Variants in ROBO2 observed in about 807,000 individuals in gnomAD.
The protein encoded by ROBO2 is roundabout guidance receptor 2, also known as roundabout homolog 2.
Under a neutral mutation model 160.8 loss-of-function variants are expected in ROBO2, and 53 were observed. The observed-to-expected ratio is 0.33, with a 90% CI of 0.26 to 0.41. ROBO2 has a LOEUF of 0.41. Ranked by LOEUF, ROBO2 falls within the 10% of genes least tolerant of loss-of-function variation. ROBO2 has a pLI of 1.00. For missense variants in ROBO2, 1,577 were observed against 1,722.4 expected, an observed-to-expected ratio of 0.92 and a Z score of 1.49; for synonymous variants, 664 against 611.7, an observed-to-expected ratio of 1.09 and a Z score of -1.26.
chr3:76,573,290 C>T (rs1441747389), intron 2 of ROBO2, among the ~76,000 whole-genome samples: 2 of 152,056 alleles, frequency 1.3e-5, no homozygotes, highest in African/African-American at 4.8e-5. Context: ...AGCTACATAA[C>T]AGAGTGGTTT....
At chr3:77,088,570 C>G (rs1306089708) in intron 1 of ROBO2, among the ~76,000 whole-genome samples, 1 of 152,008 alleles carries the variant, frequency 6.6e-6, no homozygotes, top group Non-Finnish European at 1.5e-5. Context: ...CCTGAGAGAC[C>G]CCAGTGTGTG....
chr3:77,057,823 C>A (rs867590072), intron 1 of ROBO2, among the ~76,000 whole-genome samples: 2 of 152,054 alleles, frequency 1.3e-5, no homozygotes, highest in Middle Eastern at 3.4e-3. Context: ...CCCACTTCGA[C>A]CTCCCAAAGT....
chr3:76,533,717 G>C (rs559355310), intron 2 of ROBO2, among the ~76,000 whole-genome samples: 1 of 152,096 alleles, frequency 6.6e-6, no homozygotes, highest in Non-Finnish European at 1.5e-5. Flanking sequence ...TATAGGGCTC[G>C]GGTAGGCAGT....
Position 76,399,712 on chromosome 3 carries a change from G to A in ROBO2, c.109+462110G>A, listed in dbSNP as rs1222345093. Among the ~76,000 whole-genome samples, 3 of 151,656 alleles carry A rather than the reference G, an allele frequency of 2.0e-5. No individual in the cohort carries two copies. The Admixed American group carries it at 2.0e-4, about 10-fold the overall frequency. ...TATGAGGCTTTGCCAAAGAATAAGG[G>A]ATAGAATACAGAGGCCGTCAGGGGA... On this transcript the variant is annotated intron_variant, in intron 2 of 26. Transcript: ENST00000487694.
At chr3:76,962,949 T>C (rs895506784) in intron 2 of ROBO2, among the ~76,000 whole-genome samples, 2 of 152,192 alleles carry the variant, frequency 1.3e-5, no homozygotes, top group Non-Finnish European at 2.9e-5. Context: ...ATGTTAAAAA[T>C]GAGTTTTTAA....
chr3:76,855,335 G>A (rs894400530), intron 2 of ROBO2, among the ~76,000 whole-genome samples: 1 of 152,136 alleles, frequency 6.6e-6, no homozygotes, highest in African/African-American at 2.4e-5. Flanking sequence ...ATATCACCTA[G>A]ACTGTTAATG....
At chr3:76,517,528 T>C (rs2081401028) in intron 2 of ROBO2, among the ~76,000 whole-genome samples, 1 of 152,178 alleles carries the variant, frequency 6.6e-6, no homozygotes, top group African/African-American at 2.4e-5. Flanking sequence ...CAGTAGAGTG[T>C]GGATTTCTAC....
At chr3:76,646,596 T>C (rs2090980241) in intron 2 of ROBO2, among the ~76,000 whole-genome samples, 1 of 152,168 alleles carries the variant, frequency 6.6e-6, no homozygotes. Flanking sequence ...GCAATTAAAG[T>C]ATTTAGCACA....
chr3:77,637,186 A>G (rs568805986), intron 24 of ROBO2, among the ~76,000 whole-genome samples: 4 of 152,350 alleles, frequency 2.6e-5, no homozygotes, highest in African/African-American at 9.6e-5. Context: ...AAGCTCCACA[A>G]GTGAATCTAA....
intron 2 of ROBO2, among the ~76,000 whole-genome samples, chr3:76,735,719 G>C (rs773108002): frequency 3.3e-4 from 43 of 129,548 alleles, no homozygotes; most frequent in Non-Finnish European, 5.9e-4. Flanking sequence ...CAGAGATCAC[G>C]TACAGCTTCA....
chr3:76,224,727 A>C (rs911934429), intron 2 of ROBO2, among the ~76,000 whole-genome samples: 5 of 80,312 alleles, frequency 6.2e-5, no homozygotes, highest in African/African-American at 2.2e-4. Flanking sequence ...GAGTATCCAC[A>C]AACTAGCACA....
At chr3:76,875,268 G>T (rs1042203053) in intron 2 of ROBO2, among the ~76,000 whole-genome samples, 1 of 152,132 alleles carries the variant, frequency 6.6e-6, no homozygotes, top group East Asian at 1.9e-4. Flanking sequence ...TTGATCTTGA[G>T]CTTCCCAGCC....
intron 2 of ROBO2, among the ~76,000 whole-genome samples, chr3:77,112,241 G>A (rs917323906): frequency 1.3e-5 from 2 of 150,738 alleles, no homozygotes; most frequent in African/African-American, 4.9e-5. Context: ...GGAGTTTTGG[G>A]GGGTGGAGGG....
intron 2 of ROBO2, among the ~76,000 whole-genome samples, chr3:76,508,259 A>T (rs1434832801): frequency 6.6e-6 from 1 of 152,190 alleles, no homozygotes; most frequent in Non-Finnish European, 1.5e-5. Flanking sequence ...GCAACAAATT[A>T]TGTGAAACTA....
At chr3:76,169,150 T>C (rs1238997411) in intron 2 of ROBO2, among the ~76,000 whole-genome samples, 1 of 152,186 alleles carries the variant, frequency 6.6e-6, no homozygotes, top group Non-Finnish European at 1.5e-5. Context: ...CCTTAGAAAG[T>C]ATCTTCAAGA....
At chr3:76,555,367 A>AG (rs753536324) in intron 2 of ROBO2, among the ~76,000 whole-genome samples, 3 of 44,810 alleles carry the variant, frequency 6.7e-5, no homozygotes, top group East Asian at 2.7e-3. Context: ...AGAGAAGAAG[A>AG]AGAAGAAGAA....
At chr3:77,273,978 A>G (rs62249722) in intron 2 of ROBO2, among the ~76,000 whole-genome samples, 2,160 of 137,470 alleles carry the variant, frequency 0.016, 23 homozygotes, top group Middle Eastern at 0.037. Flanking sequence ...ACAAGTTGAT[A>G]CTTTTTCCTG....
At chr3:76,651,729 T>C (rs1335284235) in intron 2 of ROBO2, among the ~76,000 whole-genome samples, 1 of 152,182 alleles carries the variant, frequency 6.6e-6, no homozygotes, top group Non-Finnish European at 1.5e-5. Context: ...ATTTTATTCC[T>C]TCCATCTCCC....
chr3:77,194,062 A>G (rs1264690596), intron 2 of ROBO2, among the ~76,000 whole-genome samples: 1 of 152,200 alleles, frequency 6.6e-6, no homozygotes, highest in Non-Finnish European at 1.5e-5. Flanking sequence ...GTGTGAGATG[A>G]CAGTTGATGA....
Sources: allele counts gnomAD v4.1 joint callset (sites outside exome capture counted in the v4.1 genomes callset), GRCh38; gene constraint gnomAD v4.1.1; transcripts MANE v1.5; gene names NCBI Gene and HGNC (gene_info 2026-07-23, HGNC 2026-07-21).